LHFPL2: variants seen among roughly 807,000 people sequenced by gnomAD.
LHFPL2 encodes the protein LHFPL tetraspan subfamily member 2 protein.
LHFPL2 carries 7 observed loss-of-function variants against 17.5 expected under a neutral mutation model. That is an observed-to-expected ratio of 0.40 (90% confidence interval 0.23 to 0.75). The LOEUF is 0.75. Ranked by LOEUF, LHFPL2 falls within the 30% of genes least tolerant of loss-of-function variation. The pLI, the probability that LHFPL2 is intolerant of heterozygous loss-of-function variation, is 0.37. For missense variants in LHFPL2, 241 were observed against 294.8 expected (o/e 0.82, Z 1.34); for synonymous variants, 134 against 116.2 (o/e 1.15, Z -0.99).
At chr5:78,541,437 A>G (rs10045987) in intron 3 of LHFPL2, among the ~76,000 whole-genome samples, 73,992 of 152,030 alleles carry the variant, frequency 0.49, 18,762 homozygotes, top group African/African-American at 0.63. Context: ...CACTGAAGAG[A>G]TTACAGAGTT....
chr5:78,584,625 G>T (rs915278983), intron 2 of LHFPL2, among the ~76,000 whole-genome samples: 7 of 152,164 alleles, frequency 4.6e-5, no homozygotes, highest in African/African-American at 1.7e-4. Flanking sequence ...CCCACTTGAG[G>T]AGGCAGTCTG....
intron 1 of LHFPL2, chr5:78,644,790 A>C: frequency 4.3e-6 from 1 of 233,616 alleles, no homozygotes; most frequent in Admixed American, 4.1e-5. Context: ...ACAAGTGTGG[A>C]CAAAGAATGC....
chr5:78,578,861 A>T (rs1029021188), intron 2 of LHFPL2, among the ~76,000 whole-genome samples: 1 of 152,188 alleles, frequency 6.6e-6, no homozygotes, highest in Non-Finnish European at 1.5e-5. Context: ...GTCTTGTAAC[A>T]AAGTACAATG....
At chr5:78,543,592 G>C (rs1756178295) in intron 3 of LHFPL2, among the ~76,000 whole-genome samples, 1 of 152,122 alleles carries the variant, frequency 6.6e-6, no homozygotes, top group Non-Finnish European at 1.5e-5. Flanking sequence ...TCAGACCCCA[G>C]GCCTGGCCTT....
intron 3 of LHFPL2, among the ~76,000 whole-genome samples, chr5:78,536,848 A>G (rs1175301810): frequency 6.6e-6 from 1 of 152,234 alleles, no homozygotes; most frequent in Non-Finnish European, 1.5e-5. Context: ...ATGACAAGAA[A>G]CAGCTGTCAA....
chr5:78,627,256 C>G (rs1745078068), intron 2 of LHFPL2, among the ~76,000 whole-genome samples: 1 of 152,082 alleles, frequency 6.6e-6, no homozygotes, highest in Non-Finnish European at 1.5e-5. Flanking sequence ...GATGCCTTGT[C>G]CTTTCAGATG....
At chr5:78,576,067 G>A (rs1169562298) in intron 2 of LHFPL2, among the ~76,000 whole-genome samples, 1 of 152,110 alleles carries the variant, frequency 6.6e-6, no homozygotes, top group Non-Finnish European at 1.5e-5. Context: ...AGGCCGAGGC[G>A]GGTGGATCAC....
Position 78,510,090 on chromosome 5 carries a change from C to T in LHFPL2, c.124G>A (p.Gly42Ser). ...CCCGGGCCCGCCGGCTCCACGCCGC[C>T]GCGGCTCCTCGCTTTCCCGATCAGC... Reference protein sequence around the residue: ...DWLIGKARSRGGVEPAGPGGG... With the variant: ...DWLIGKARSRSGVEPAGPGGG... Residue 42 changes from glycine to serine, a missense_variant, in exon 4 of 5, where the codon GGC (glycine) becomes AGC (serine). Physicochemically the swap from Gly to Ser is moderately conservative, Grantham distance 56. Transcript: ENST00000380345. 6.2e-7 allele frequency: 1 copy of T among 1,612,568 alleles called. No homozygotes were observed.
At chr5:78,539,396 A>T (rs1756040313) in intron 3 of LHFPL2, among the ~76,000 whole-genome samples, 1 of 152,218 alleles carries the variant, frequency 6.6e-6, no homozygotes, top group Non-Finnish European at 1.5e-5. Context: ...CCCTCAAGAC[A>T]ACCCTTGAAG....
At chr5:78,591,402 A>G (rs1743623148) in intron 2 of LHFPL2, among the ~76,000 whole-genome samples, 1 of 152,236 alleles carries the variant, frequency 6.6e-6, no homozygotes, top group African/African-American at 2.4e-5. Flanking sequence ...ATGAGTCACT[A>G]AACAAAAGGC....
chr5:78,495,879 T>C (rs866480772), intron 4 of LHFPL2, among the ~76,000 whole-genome samples: 1 of 152,174 alleles, frequency 6.6e-6, no homozygotes, highest in African/African-American at 2.4e-5. Context: ...CTGTAGGGTT[T>C]CAGAGGCTGG....
At chr5:78,521,960 A>G (rs996498269) in intron 3 of LHFPL2, among the ~76,000 whole-genome samples, 1 of 152,162 alleles carries the variant, frequency 6.6e-6, no homozygotes, top group Non-Finnish European at 1.5e-5. Context: ...CTCCCACCCC[A>G]GGAAACCAAG....
chr5:78,548,554 G>C (rs1025796028), intron 3 of LHFPL2, among the ~76,000 whole-genome samples: 4 of 152,246 alleles, frequency 2.6e-5, no homozygotes, highest in Non-Finnish European at 4.4e-5. Flanking sequence ...AGAGCAGAAG[G>C]GCCGTATCTA....
intron 1 of LHFPL2, among the ~76,000 whole-genome samples, chr5:78,635,378 C>T (rs1353207901): frequency 5.9e-5 from 9 of 152,188 alleles, no homozygotes; most frequent in African/African-American, 1.4e-4. Context: ...ACACTCCCAC[C>T]GCCCCCTCTT....
chr5:78,598,586 T>TA (rs775218198), intron 2 of LHFPL2, among the ~76,000 whole-genome samples: 15 of 152,238 alleles, frequency 9.9e-5, no homozygotes, highest in Non-Finnish European at 1.6e-4. Context: ...GTTAAGTACT[T>TA]ACTTTGAAAA....
At chr5:78,512,350 C>G (rs1196669609) in intron 3 of LHFPL2, among the ~76,000 whole-genome samples, 1 of 150,994 alleles carries the variant, frequency 6.6e-6, no homozygotes, top group African/African-American at 2.4e-5. Context: ...GATATACCTT[C>G]TGGCTGAATG....
chr5:78,504,040 G>A (rs1219428212), intron 4 of LHFPL2, among the ~76,000 whole-genome samples: 1 of 152,016 alleles, frequency 6.6e-6, no homozygotes, highest in African/African-American at 2.4e-5. Context: ...TTTACCAAGG[G>A]ACTACTAAAG....
chr5:78,520,181 T>C (rs1755409179), intron 3 of LHFPL2, among the ~76,000 whole-genome samples: 2 of 152,348 alleles, frequency 1.3e-5, no homozygotes, highest in Non-Finnish European at 2.9e-5. Flanking sequence ...TTTATGTTTC[T>C]GCCGCTTATC....
At chr5:78,505,066 C>T (rs1312290627) in intron 4 of LHFPL2, among the ~76,000 whole-genome samples, 3 of 152,206 alleles carry the variant, frequency 2.0e-5, no homozygotes, top group East Asian at 1.9e-4. Context: ...TTAATGGCTT[C>T]GGTCCCAAAC....
Sources: allele counts gnomAD v4.1 joint callset (sites outside exome capture counted in the v4.1 genomes callset), GRCh38; gene constraint gnomAD v4.1.1; transcripts MANE v1.5; gene names NCBI Gene and HGNC (gene_info 2026-07-23, HGNC 2026-07-21).